Variants in ELMO1 observed in about 807,000 individuals in gnomAD.
The protein encoded by ELMO1 is engulfment and cell motility 1, also known as engulfment and cell motility protein 1.
In ELMO1, 26 loss-of-function variants were observed where a neutral mutation model predicts 98.9. That is an observed-to-expected ratio of 0.26 (90% CI 0.19 to 0.36). ELMO1 has a LOEUF of 0.36. Among genes scored for constraint, ELMO1 ranks in the 10% least tolerant of loss-of-function variants. The probability of loss-of-function intolerance (pLI) is 1.00; values close to 1 mark genes in which losing one functional copy is unlikely to be tolerated. For missense variants in ELMO1, 627 were observed against 935.2 expected, an observed-to-expected ratio of 0.67 and a Z score of 4.30; for synonymous variants, 346 against 346.0, an observed-to-expected ratio of 1.00 and a Z score of 0.00.
intron 1 of ELMO1, among the ~76,000 whole-genome samples, chr7:37,406,645 T>C (rs1803779687): frequency 6.6e-6 from 1 of 151,918 alleles, no homozygotes; most frequent in Admixed American, 6.6e-5. Flanking sequence ...GGTTTCACCG[T>C]GTTAGGCAGG....
Position 37,232,948 on chromosome 7 carries a change from C to T in ELMO1, c.549+147G>A, listed in dbSNP as rs989146474. On this transcript the variant is annotated intron_variant, in intron 8 of 21. Coordinates refer to ENST00000310758, the MANE Select transcript of ELMO1 (RefSeq NM_014800.11). ...ATACAGAATTTGGGTTTCCTGACCC[C>T]CACATACATAATATTATAAAAAATC... The T allele has an allele frequency of 1.8e-5, 13 of 722,004 alleles. No individual in the cohort carries two copies. In the African/African-American group the frequency reaches 2.2e-4, roughly 12 times the overall value. 44.7% of individuals were successfully genotyped at this position (722,004 alleles called of 1,614,324 possible).
Position 37,097,441 on chromosome 7 carries a change from G to C in ELMO1, c.1192-714C>G, listed in dbSNP as rs1584638409. ...ACTAAAAATAAAAACAAAATTATCT[G>C]GGTGCGGTGGCAGGTGCCTTTAATC... On this transcript the variant is annotated intron_variant, in intron 14 of 21. Transcript: ENST00000310758. Among the ~76,000 whole-genome samples the C allele has an allele frequency of 2.0e-5, 3 of 152,078 alleles. No individual in the cohort carries two copies. In the South Asian group the frequency reaches 6.2e-4, roughly 31 times the overall value.
intron 6 of ELMO1, among the ~76,000 whole-genome samples, chr7:37,254,587 T>C (rs970978583): frequency 1.3e-5 from 2 of 152,176 alleles, no homozygotes; most frequent in African/African-American, 2.4e-5. Flanking sequence ...GGCTGAGTAG[T>C]GTACGCAATG....
At chr7:37,323,145 C>T (rs746168638) in intron 2 of ELMO1, among the ~76,000 whole-genome samples, 3 of 152,046 alleles carry the variant, frequency 2.0e-5, no homozygotes, top group East Asian at 1.9e-4. Flanking sequence ...TAGTATATTC[C>T]GGGGAAATTT....
At chr7:37,224,495 A>T (rs892538145) in intron 9 of ELMO1, among the ~76,000 whole-genome samples, 3 of 152,272 alleles carry the variant, frequency 2.0e-5, no homozygotes, top group Admixed American at 2.0e-4. Context: ...CTAATTAACT[A>T]TGAAAATACT....
intron 15 of ELMO1, among the ~76,000 whole-genome samples, chr7:37,092,414 T>G (rs1383455004): frequency 2.2e-5 from 3 of 138,642 alleles, no homozygotes; most frequent in Non-Finnish European, 4.6e-5. Flanking sequence ...AGTCTCGCTC[T>G]GTCGCCCAGG....
At chr7:37,165,132 C>T (rs1393540243) in intron 13 of ELMO1, among the ~76,000 whole-genome samples, 1 of 152,190 alleles carries the variant, frequency 6.6e-6, no homozygotes, top group Non-Finnish European at 1.5e-5. Context: ...ATTTGGCTCT[C>T]TGTTCGTCTG....
intron 1 of ELMO1, among the ~76,000 whole-genome samples, chr7:37,437,209 C>G (rs1805187684): frequency 6.6e-6 from 1 of 152,158 alleles, no homozygotes; most frequent in South Asian, 2.1e-4. Context: ...CCTGTGCACC[C>G]TTGGACAAAT....
At chr7:37,288,200 T>G (rs1215069475) in intron 4 of ELMO1, among the ~76,000 whole-genome samples, 1 of 150,898 alleles carries the variant, frequency 6.6e-6, no homozygotes. Flanking sequence ...CCTCAGGTGA[T>G]CTGCCAGCCT....
intron 15 of ELMO1, among the ~76,000 whole-genome samples, chr7:37,077,300 G>A (rs1214793502): frequency 6.6e-6 from 1 of 152,230 alleles, no homozygotes; most frequent in African/African-American, 2.4e-5. Context: ...CTCAGGGAGA[G>A]AGGCTGAGAA....
At chr7:37,235,594 A>G (rs1376457518) in intron 7 of ELMO1, among the ~76,000 whole-genome samples, 1 of 152,234 alleles carries the variant, frequency 6.6e-6, no homozygotes, top group African/African-American at 2.4e-5. Flanking sequence ...CAACAGCAGC[A>G]CAGGCAATGG....
intron 16 of ELMO1, among the ~76,000 whole-genome samples, chr7:37,012,105 G>T (rs1288961109): frequency 2.6e-5 from 4 of 152,186 alleles, no homozygotes; most frequent in African/African-American, 9.7e-5. Context: ...CGATGACCAA[G>T]ATGCAAAGGA....
At chr7:37,065,566 C>G (rs1362314379) in intron 15 of ELMO1, among the ~76,000 whole-genome samples, 2 of 152,176 alleles carry the variant, frequency 1.3e-5, no homozygotes, top group African/African-American at 4.8e-5. Flanking sequence ...AAATGAAGGT[C>G]TTCCATGGGT....
At position 37,016,947 on chromosome 7, in the gene ELMO1, C is replaced by A. The variant is rs577681480; in HGVS notation, c.1301-3512G>T. ...CTCAATTAACCCTGCCTCCAATGCA[C>A]CTCCACCAACACAAATCTGAAACAA... On this transcript the variant is annotated intron_variant, in intron 15 of 21. Transcript: ENST00000310758. Among the ~76,000 whole-genome samples the A allele has an allele frequency of 1.3e-3, 197 of 152,290 alleles. 1 individual carries two copies. Among genetic ancestry groups the A allele is most frequent in the African/African-American group, 4.5e-3 (189 of 41,556 alleles).
intron 15 of ELMO1, among the ~76,000 whole-genome samples, chr7:37,079,421 G>GATCAC (rs1797745628): frequency 5.9e-5 from 9 of 152,306 alleles, no homozygotes; most frequent in Middle Eastern, 3.4e-3. Flanking sequence ...AGGATCATGG[G>GATCAC]CTTGAAGGCT....
intron 5 of ELMO1, among the ~76,000 whole-genome samples, chr7:37,267,038 TACAC>T (rs60344761): frequency 0.15 from 15,127 of 100,356 alleles, 2,322 homozygotes; most frequent in African/African-American, 0.23. Flanking sequence ...TATGTATATA[TACAC>T]ACACACACAC....
At chr7:37,068,658 G>A (rs545784615) in intron 15 of ELMO1, among the ~76,000 whole-genome samples, 1 of 152,288 alleles carries the variant, frequency 6.6e-6, no homozygotes, top group African/African-American at 2.4e-5. Context: ...AGAGAGTAGA[G>A]AGAACTACAG....
chr7:37,293,806 T>C (rs1279322641), intron 4 of ELMO1, among the ~76,000 whole-genome samples: 1 of 149,402 alleles, frequency 6.7e-6, no homozygotes, highest in African/African-American at 2.4e-5. Context: ...ATTTAAAAAC[T>C]TTTTTCTATC....
At chr7:37,381,991 T>G (rs1802602268) in intron 1 of ELMO1, among the ~76,000 whole-genome samples, 1 of 152,202 alleles carries the variant, frequency 6.6e-6, no homozygotes, top group South Asian at 2.1e-4. Context: ...CTTTAAGAAT[T>G]CAGCAATCTA....
Sources: gnomAD v4.1 joint callset for allele counts (sites outside exome capture counted in the v4.1 genomes callset) on GRCh38, gnomAD v4.1.1 for gene constraint, MANE v1.5 for transcripts, NCBI Gene and HGNC (gene_info 2026-07-23, HGNC 2026-07-21) for gene names.